HPSE2: variants seen among roughly 807,000 people sequenced by gnomAD.
The protein encoded by HPSE2 is heparanase 2 (inactive).
Under a neutral mutation model 60.5 loss-of-function variants are expected in HPSE2, and 38 were observed. That is an observed-to-expected ratio of 0.63 (90% CI 0.48 to 0.82). HPSE2 has a LOEUF of 0.82. Among genes scored for constraint, HPSE2 ranks in the 40% least tolerant of loss-of-function variants. The pLI, the probability that HPSE2 is intolerant of heterozygous loss-of-function variation, is 0.00. For synonymous variants in HPSE2, 295 were observed against 293.2 expected, an observed-to-expected ratio of 1.01 and a Z score of -0.06; for missense variants, 713 against 740.4, an observed-to-expected ratio of 0.96 and a Z score of 0.43.
At chr10:98,480,900 T>A (rs1025724103) in intron 11 of HPSE2, among the ~76,000 whole-genome samples, 2 of 152,160 alleles carry the variant, frequency 1.3e-5, no homozygotes, top group Non-Finnish European at 1.5e-5. Context: ...GTCAGGAACT[T>A]TACACAGATT....
At chr10:98,463,399 AC>A (rs1335269499) in intron 11 of HPSE2, among the ~76,000 whole-genome samples, 1 of 152,244 alleles carries the variant, frequency 6.6e-6, no homozygotes, top group Non-Finnish European at 1.5e-5. Flanking sequence ...ATATATGCAT[AC>A]ACAAAGATGA....
At chr10:98,795,340 C>T (rs12245659) in intron 3 of HPSE2, among the ~76,000 whole-genome samples, 5,806 of 152,242 alleles carry the variant, frequency 0.038, 235 homozygotes, top group East Asian at 0.17. Flanking sequence ...AGCAGCCTTA[C>T]GGCACGGAAA....
chr10:98,520,984 T>C (rs899050349), intron 9 of HPSE2, among the ~76,000 whole-genome samples: 3 of 152,188 alleles, frequency 2.0e-5, no homozygotes, highest in Non-Finnish European at 4.4e-5. Flanking sequence ...TATACAAAAA[T>C]TAATTCAAGA....
In HPSE2 at chr10:99,000,690, G is replaced by A. The variant is rs535369480; in HGVS notation, c.610+143548C>T. On this transcript the variant is annotated intron_variant, in intron 3 of 11. Transcript: ENST00000370552. The stretch of plus-strand genomic sequence containing the variant: ...GATTTCTGAGAGCTAAGGAGAATGT[G>A]AATTGAAAATGGAGGATGTAAGACA... 4.6e-5 allele frequency among the ~76,000 whole-genome samples: 7 copies of A among 152,190 alleles called. No individual in the cohort carries two copies. The South Asian group carries it at 1.2e-3, about 27-fold the overall frequency.
At chr10:99,003,142 T>C (rs983904641) in intron 3 of HPSE2, among the ~76,000 whole-genome samples, 7 of 152,142 alleles carry the variant, frequency 4.6e-5, no homozygotes, top group African/African-American at 1.7e-4. Flanking sequence ...CTTAATATAA[T>C]GTCCTCCATG....
chr10:98,537,387 C>T (rs1216824850), intron 9 of HPSE2, among the ~76,000 whole-genome samples: 1 of 152,054 alleles, frequency 6.6e-6, no homozygotes, highest in African/African-American at 2.4e-5. Flanking sequence ...AGACTGAAGG[C>T]ACAAACTGTT....
Position 98,489,682 on chromosome 10 carries a change from G to T in HPSE2, c.1466+369C>A, listed in dbSNP as rs144991413. On this transcript the variant is annotated intron_variant, in intron 10 of 11. Transcript: ENST00000370552. ...TCTCAAGCTTTGCTGGTGGATCATAGGAAAAGATTTTATACCTCTTGACTT... is the reference window on the plus strand; with the variant it reads ...TCTCAAGCTTTGCTGGTGGATCATATGAAAAGATTTTATACCTCTTGACTT... Among the ~76,000 whole-genome samples the T allele has an allele frequency of 1.7e-3, 258 of 152,234 alleles. 1 individual carries two copies. The highest frequency in any genetic ancestry group is 5.9e-3 in the African/African-American group (244 of 41,542).
chr10:98,735,936 T>A (rs1321585521), intron 4 of HPSE2, among the ~76,000 whole-genome samples: 1 of 152,150 alleles, frequency 6.6e-6, no homozygotes, highest in Non-Finnish European at 1.5e-5. Flanking sequence ...TGAAATGGGT[T>A]AAGACTTTGG....
At chr10:98,904,167 T>G (rs555164879) in intron 3 of HPSE2, among the ~76,000 whole-genome samples, 1 of 152,152 alleles carries the variant, frequency 6.6e-6, no homozygotes, top group Non-Finnish European at 1.5e-5. Context: ...TCTTTGTAAA[T>G]TAGTGAGAAT....
intron 3 of HPSE2, among the ~76,000 whole-genome samples, chr10:99,120,777 T>C (rs1463517202): frequency 6.6e-6 from 1 of 152,178 alleles, no homozygotes; most frequent in Admixed American, 6.6e-5. Flanking sequence ...CGGCCAACCA[T>C]TCTAACTTTT....
chr10:98,487,991 C>T (rs1181263357), intron 10 of HPSE2, among the ~76,000 whole-genome samples: 7 of 152,226 alleles, frequency 4.6e-5, no homozygotes, highest in African/African-American at 1.7e-4. Flanking sequence ...AAAACACCTT[C>T]AACCCAGTTA....
intron 3 of HPSE2, among the ~76,000 whole-genome samples, chr10:99,122,394 C>T (rs1259614056): frequency 2.6e-5 from 4 of 151,806 alleles, no homozygotes; most frequent in Non-Finnish European, 5.9e-5. Context: ...AGAAAAAAGA[C>T]AAATATACCT....
At chr10:98,801,278 C>A (rs547802924) in intron 3 of HPSE2, among the ~76,000 whole-genome samples, 3 of 152,172 alleles carry the variant, frequency 2.0e-5, no homozygotes, top group African/African-American at 7.2e-5. Context: ...AACTGAAAAT[C>A]TTTCCTCTAA....
rs183088410 is a variant in HPSE2, at chr10:99,165,945, T to C, written c.449-21546A>G. Among the ~76,000 whole-genome samples, 303 of 152,304 alleles carry C rather than the reference T, an allele frequency of 2.0e-3. 3 individuals are homozygous for C. Among genetic ancestry groups the C allele is most frequent in the African/African-American group, 6.7e-3 (278 of 41,572 alleles). ...AAAAACTCCCTCATGCTACCTTCCA[T>C]TATCAACCCCTCCATTCATCCTCAT... On this transcript the variant is annotated intron_variant, in intron 2 of 11. Transcript: ENST00000370552.
rs1456925001 is a variant in HPSE2 at position 98,936,990 on chromosome 10, A to AC, written c.611-192935_611-192934insG. Among the ~76,000 whole-genome samples the AC allele has an allele frequency of 3.1e-4, 43 of 140,362 alleles. 2 individuals carry two copies. The highest frequency in any genetic ancestry group is 4.8e-4 in the Non-Finnish European group (32 of 66,528). The allele number at this position is 140,362 out of a possible 152,430, so 92.1% of individuals were successfully genotyped here. A position where few individuals can be genotyped will look rare whatever the true frequency, so the allele number is the denominator to read the frequency against. ...GGAGACTCCATCTCAAAAAAAAAAA[A>AC]AAAAAAAAAAAAAAACAAGTTTTCC... On this transcript the variant is annotated intron_variant, in intron 3 of 11. Coordinates refer to ENST00000370552, the MANE Select transcript of HPSE2 (RefSeq NM_021828.5).
In HPSE2 at chr10:98,749,604, C is replaced by T. The variant is rs1320579295; in HGVS notation, c.611-5548G>A. 2.0e-5 allele frequency among the ~76,000 whole-genome samples: 3 copies of T among 151,358 alleles called. No individual in the cohort carries two copies. In the East Asian group the frequency reaches 5.8e-4, roughly 29 times the overall value. On this transcript the variant is annotated intron_variant, in intron 3 of 11. Coordinates refer to ENST00000370552, the MANE Select transcript of HPSE2 (RefSeq NM_021828.5). The stretch of plus-strand genomic sequence containing the variant: ...TATGATGGTGCAAAAGCAATACACA[C>T]TCAGTAGAAATCGTACTTCAAATAC...
chr10:98,695,290 C>A (rs908260836), intron 5 of HPSE2, among the ~76,000 whole-genome samples: 1 of 152,056 alleles, frequency 6.6e-6, no homozygotes, highest in African/African-American at 2.4e-5. Context: ...AGGACGAGGA[C>A]GGAGGATGAG....
At chr10:99,270,450 T>C in the HPSE2 span, among the ~76,000 whole-genome samples, 1 of 152,100 alleles carries the variant, frequency 6.6e-6, no homozygotes, top group African/African-American at 2.4e-5. Flanking sequence ...AAGAAATAGA[T>C]ACTCTGAGCA....
At chr10:98,820,794 G>A (rs1011538544) in intron 3 of HPSE2, among the ~76,000 whole-genome samples, 1 of 152,138 alleles carries the variant, frequency 6.6e-6, no homozygotes, top group African/African-American at 2.4e-5. Context: ...AGCCACTACA[G>A]CTTTAATTAA....
Sources: gnomAD v4.1 joint callset for allele counts (sites outside exome capture counted in the v4.1 genomes callset) on GRCh38, gnomAD v4.1.1 for gene constraint, MANE v1.5 for transcripts, NCBI Gene and HGNC (gene_info 2026-07-23, HGNC 2026-07-21) for gene names.